PLXND1: variants seen among roughly 807,000 people sequenced by gnomAD.
PLXND1 encodes plexin-D1.
A neutral mutation model predicts 197.7 loss-of-function variants in PLXND1; 54 were observed. The ratio of observed to expected loss-of-function variants is 0.27; its 90% CI spans 0.22 to 0.34. The LOEUF (loss-of-function observed/expected upper bound fraction) is 0.34, where lower values mean the gene tolerates loss of function less well. Ranked by LOEUF, PLXND1 falls within the 10% of genes least tolerant of loss-of-function variation. The pLI is 1.00. For synonymous variants in PLXND1, 1,180 were observed against 1,161.2 expected (o/e 1.02, Z -0.33); for missense variants, 2,127 against 2,699.2 (o/e 0.79, Z 4.70).
chr3:129,605,265 G>A (rs996360216), intron 1 of PLXND1, 64 bp downstream of exon 1: 1 of 283,346 alleles, frequency 3.5e-6, no homozygotes, highest in Non-Finnish European at 6.0e-6. Flanking sequence ...CTCGGTTCCC[G>A]CCCGCCCCCG....
chr3:129,577,538 TCCCAGATGCCCGGCACGTGGCCA>T lies in PLXND1; in HGVS notation c.2346+768_2346+790del, dbSNP rs1287708969. Among the ~76,000 whole-genome samples, 12 of 151,472 alleles carry T rather than the reference TCCCAGATGCCCGGCACGTGGCCA, an allele frequency of 7.9e-5. No individual in the cohort carries two copies. The highest frequency in any genetic ancestry group is 3.4e-3 in the Middle Eastern group (1 of 294). ...CCCTGCCACGAGGCTTCCCGACACA[TCCCAGATGCCCGGCACGTGGCCA>T]CCACGTGTGACAGCTCTCACGGGCC... On this transcript the variant is annotated intron_variant, in intron 9 of 35. Transcript: ENST00000324093. The surrounding 1 kb of genome is among the most constrained non-coding windows in gnomAD (Gnocchi z 5.0).
chr3:129,582,608 C>A lies in PLXND1; in HGVS notation c.2241+959G>T, dbSNP rs141228263. The stretch of plus-strand genomic sequence containing the variant: ...CATCCCACCTGGCTAGGCCTTATCA[C>A]CCCAGCCAAGGTCCCAGGCATCCCA... On this transcript the variant is annotated intron_variant, in intron 8 of 35. Coordinates refer to ENST00000324093, the MANE Select transcript of PLXND1 (RefSeq NM_015103.3). Among the ~76,000 whole-genome samples, 5 of 152,326 alleles carry A rather than the reference C, an allele frequency of 3.3e-5. No individual in the cohort carries two copies. The South Asian group carries it at 6.2e-4, about 19-fold the overall frequency.
chr3:129,565,223 C>A, intron 25 of PLXND1, 117 bp downstream of exon 25: 1 of 811,216 alleles, frequency 1.2e-6, no homozygotes, highest in Non-Finnish European at 2.1e-6. Context: ...GCAACACTCC[C>A]TCCTGGCAGA....
Position 129,570,804 on chromosome 3 carries a change from C to T in PLXND1, c.3732G>A (p.Val1244=), listed in dbSNP as rs1305236912. ...CACTCACTGTGATGGGCAGCTGCCC[C>T]ACGGCCGCGCCCAGGGACTCGTTGA... ...CSVNESLGAA[V]GQLPITIQVG... The change falls in exon 19 of 36, where the codon GTG becomes GTA. Residue 1244 remains valine, a synonymous_variant. Transcript: ENST00000324093. The T allele has an allele frequency of 6.2e-7, 1 of 1,614,140 alleles. No homozygotes were observed. Among genetic ancestry groups the T allele is most frequent in the South Asian group, 1.1e-5 (1 of 91,084 alleles).
chr3:129,595,994 A>G (rs1255233050), intron 1 of PLXND1, among the ~76,000 whole-genome samples: 1 of 151,074 alleles, frequency 6.6e-6, no homozygotes, highest in East Asian at 1.9e-4. Context: ...GAGGCTCCTG[A>G]CTCCTAAGTC....
rs368538832 is a variant in PLXND1, at chr3:129,570,940, G to T, written c.3601-5C>A. On this transcript the variant is annotated splice_region_variant and splice_polypyrimidine_tract_variant and intron_variant, in intron 18 of 35. Transcript: ENST00000324093. Reference sequence around the variant, plus strand: ...CCCCAGGCTGTCCTGCTCCTTCTGTGGGTGCAAAGGGGGAGGATGCTCATG... The same window carrying T: ...CCCCAGGCTGTCCTGCTCCTTCTGTTGGTGCAAAGGGGGAGGATGCTCATG... The T allele has an allele frequency of 1.1e-4, 184 of 1,614,080 alleles. No homozygotes were observed. The highest frequency in any genetic ancestry group is 1.4e-4 in the Non-Finnish European group (167 of 1,180,026).
intron 1 of PLXND1, 33 bp from the exon 2 acceptor site, chr3:129,589,560 C>A: frequency 2.0e-6 from 3 of 1,517,044 alleles, no homozygotes; most frequent in Non-Finnish European, 2.6e-6. Context: ...GATCCCAGCT[C>A]CAGAACCTTC....
In PLXND1 at chr3:129,571,836, T is replaced by C; in HGVS notation, c.3086A>G (p.Asp1029Gly). 6.2e-7 allele frequency: 1 copy of C among 1,611,382 alleles called. No homozygotes were observed. The highest frequency in any genetic ancestry group is 8.5e-7 in the Non-Finnish European group (1 of 1,179,130). Residue 1029 changes from aspartate to glycine, a missense_variant, in exon 16 of 36, where the codon GAT becomes GGT. Asp to Gly is a moderately conservative substitution (Grantham distance 94). This residue lies in a region of PLXND1 where 1,095 missense variants were observed against 1,259.8 expected (regional missense o/e 0.87). Coordinates refer to ENST00000324093, the MANE Select transcript of PLXND1 (RefSeq NM_015103.3). Reference sequence around the variant, plus strand: ...AGGCATGGTGCAGGCGATGCTGGTATCTGTGCGCCTGGGGGGAGCAGCAGG... The same window carrying C: ...AGGCATGGTGCAGGCGATGCTGGTACCTGTGCGCCTGGGGGGAGCAGCAGG... ...TDPCTELMRTDTSIACTMPEG... is the reference protein window; with the variant it reads ...TDPCTELMRTGTSIACTMPEG...
At chr3:129,604,872 C>T (rs1234608762) in intron 1 of PLXND1, among the ~76,000 whole-genome samples, 1 of 152,214 alleles carries the variant, frequency 6.6e-6, no homozygotes, top group East Asian at 1.9e-4. Flanking sequence ...TGTGTGCCTC[C>T]TTGCACACCT....
intron 8 of PLXND1, 63 bp from the exon 9 acceptor site, chr3:129,578,496 C>T: frequency 1.0e-6 from 1 of 972,974 alleles, no homozygotes; most frequent in Non-Finnish European, 1.6e-6. Flanking sequence ...CAGGAGGACT[C>T]ACTGCACCCC....
Position 129,555,730 on chromosome 3 carries a change from G to A in PLXND1, c.*582C>T, listed in dbSNP as rs935746842. ...AAGCCCACAGAGCACCCCATGGCGC[G>A]GGCACTGCCCACTCTACCAACAGCC... is the stretch of plus-strand genomic sequence containing the variant. On this transcript the variant is annotated 3_prime_UTR_variant, in exon 36 of 36. Transcript: ENST00000324093. 12 of 506,720 alleles carry A rather than the reference G, an allele frequency of 2.4e-5. No individual in the cohort carries two copies. Among genetic ancestry groups the A allele is most frequent in the African/African-American group, 1.2e-4 (6 of 49,624 alleles). The allele number at this position is 506,720 out of a possible 1,614,324, so 31.4% of individuals were successfully genotyped here. A position where few individuals can be genotyped will look rare whatever the true frequency, so the allele number is the denominator to read the frequency against.
intron 12 of PLXND1, 25 bp downstream of exon 12, chr3:129,574,311 A>G (rs1258203481): frequency 6.4e-7 from 1 of 1,564,930 alleles, no homozygotes; most frequent in East Asian, 2.4e-5. Context: ...TGCGGGTGCC[A>G]CGTGCCTCCA....
intron 1 of PLXND1, 30 bp downstream of exon 1, chr3:129,605,299 G>A (rs1477517078): frequency 9.8e-7 from 1 of 1,021,082 alleles, no homozygotes; most frequent in Non-Finnish European, 1.2e-6. Flanking sequence ...CGCCGCCGCC[G>A]CCGCCGCCGC....
intron 27 of PLXND1, among the ~76,000 whole-genome samples, 173 bp from the exon 28 acceptor site, chr3:129,562,076 A>G (rs2085070204): frequency 6.6e-6 from 1 of 152,122 alleles, no homozygotes; most frequent in Non-Finnish European, 1.5e-5. Flanking sequence ...AGGGCAGGAA[A>G]GAGCTGGGGG....
At chr3:129,602,846 C>T (rs889179869) in intron 1 of PLXND1, among the ~76,000 whole-genome samples, 1 of 152,152 alleles carries the variant, frequency 6.6e-6, no homozygotes, top group Non-Finnish European at 1.5e-5. Flanking sequence ...TAAAACAATG[C>T]TTTGGGATAA....
chr3:129,597,078 T>C (rs1048953277), intron 1 of PLXND1, among the ~76,000 whole-genome samples: 9 of 152,362 alleles, frequency 5.9e-5, no homozygotes, highest in Admixed American at 5.9e-4. Context: ...CTGTATTATC[T>C]CATTCAACCC....
At chr3:129,593,507 A>G (rs945898904) in intron 1 of PLXND1, among the ~76,000 whole-genome samples, 9 of 152,146 alleles carry the variant, frequency 5.9e-5, no homozygotes, top group African/African-American at 2.2e-4. Flanking sequence ...TCAGCCCCCC[A>G]ACTCCTGTGA....
intron 15 of PLXND1, 69 bp downstream of exon 15, chr3:129,572,540 C>T (rs1194358784): frequency 1.1e-4 from 150 of 1,351,818 alleles, no homozygotes; most frequent in Non-Finnish European, 1.4e-4. Flanking sequence ...ATGTCACCTC[C>T]AGCCCGCCAG....
Position 129,571,786 on chromosome 3 carries a change from G to C in PLXND1, c.3136C>G (p.Pro1046Ala). 1.2e-6 allele frequency: 2 copies of C among 1,613,252 alleles called. No homozygotes were observed. Among genetic ancestry groups the C allele is most frequent in the Non-Finnish European group, 1.7e-6 (2 of 1,179,894 alleles). ...MPEGALPAPV[P>A]VCVRFERRGC... ...CGACGCTCGAAGCGCACACACACAG[G>C]CACCGGAGCCGGCAGGGCCCCCTCA... The change falls in exon 16 of 36, where the codon CCT becomes GCT. Residue 1046 changes from proline (P) to alanine (A), a missense_variant. By Grantham distance (27) the Pro-to-Ala change is conservative (BLOSUM62 -1). Transcript: ENST00000324093.
Sources: allele counts gnomAD v4.1 joint callset (sites outside exome capture counted in the v4.1 genomes callset), GRCh38; gene constraint gnomAD v4.1.1; regional missense constraint gnomAD v4.1.1; non-coding constraint Gnocchi (gnomAD v3.1); transcripts MANE v1.5; gene names NCBI Gene and HGNC (gene_info 2026-07-23, HGNC 2026-07-21).